Variants in SLCO1B3 observed in about 807,000 individuals in gnomAD.
SLCO1B3 encodes the protein liver-specific organic anion transporter 2.
In SLCO1B3, 72 loss-of-function variants were observed where a neutral mutation model predicts 71.8. That is an observed-to-expected ratio of 1.00 (90% CI 0.83 to 1.22). The LOEUF (loss-of-function observed/expected upper bound fraction) is 1.22, where lower values mean the gene tolerates loss of function less well. Ranked by LOEUF, SLCO1B3 falls within the 50% of genes most tolerant of loss-of-function variation. The pLI is 0.00. For missense variants in SLCO1B3, 911 were observed against 819.7 expected, an observed-to-expected ratio of 1.11 and a Z score of -1.36; for synonymous variants, 298 against 278.4, an observed-to-expected ratio of 1.07 and a Z score of -0.70.
intron 3 of SLCO1B3, among the ~76,000 whole-genome samples, chr12:20,848,752 A>C (rs1864964568): frequency 6.6e-6 from 1 of 152,198 alleles, no homozygotes; most frequent in Non-Finnish European, 1.5e-5. Context: ...ATATATTGTA[A>C]GATTTCAAAT....
intron 3 of SLCO1B3, among the ~76,000 whole-genome samples, chr12:20,825,342 G>C (rs1376747100): frequency 1.3e-5 from 2 of 152,168 alleles, no homozygotes; most frequent in African/African-American, 4.8e-5. Flanking sequence ...GGATTAGAGG[G>C]GTTCAGCAGT....
At chr12:20,895,585 C>T (rs1475790736) in intron 13 of SLCO1B3, among the ~76,000 whole-genome samples, 1 of 152,120 alleles carries the variant, frequency 6.6e-6, no homozygotes, top group Non-Finnish European at 1.5e-5. Context: ...GCAGCTCTAT[C>T]CCTGTGGCTT....
intron 14 of SLCO1B3, among the ~76,000 whole-genome samples, chr12:20,898,974 C>T (rs2120369047): frequency 6.6e-6 from 1 of 152,230 alleles, no homozygotes; most frequent in Admixed American, 6.5e-5. Context: ...CTGCCTGGTC[C>T]TCTATGGCTG....
intron 3 of SLCO1B3, among the ~76,000 whole-genome samples, chr12:20,817,772 A>C (rs1194622637): frequency 1.3e-5 from 2 of 151,254 alleles, no homozygotes; most frequent in Non-Finnish European, 2.9e-5. Context: ...TTTTATTTGT[A>C]GTAGAGATGA....
intron 12 of SLCO1B3, among the ~76,000 whole-genome samples, chr12:20,882,884 G>A (rs182068219): frequency 2.0e-5 from 3 of 152,142 alleles, no homozygotes; most frequent in Admixed American, 6.5e-5. Flanking sequence ...CTAACCATTA[G>A]CCAGCACATT....
At chr12:20,835,462 C>T (rs1467881778) in intron 3 of SLCO1B3, among the ~76,000 whole-genome samples, 2 of 152,270 alleles carry the variant, frequency 1.3e-5, no homozygotes, top group East Asian at 1.9e-4. Flanking sequence ...CACTTTGCTG[C>T]TTAGAAATAT....
chr12:20,811,827 A>C (rs936935955), intron 1 of SLCO1B3, among the ~76,000 whole-genome samples: 1 of 152,204 alleles, frequency 6.6e-6, no homozygotes, highest in Non-Finnish European at 1.5e-5. Context: ...AAATGCCACA[A>C]TGAAGTAAAA....
chr12:20,835,843 A>G (rs1316530969), intron 3 of SLCO1B3, among the ~76,000 whole-genome samples: 1 of 152,058 alleles, frequency 6.6e-6, no homozygotes, highest in Non-Finnish European at 1.5e-5. Context: ...CTGCTTCCCC[A>G]TTATCAGGTA....
chr12:20,875,020 G>A (rs1008541271), intron 8 of SLCO1B3, among the ~76,000 whole-genome samples: 1 of 152,172 alleles, frequency 6.6e-6, no homozygotes, highest in African/African-American at 2.4e-5. Flanking sequence ...ACAGTGTCAT[G>A]ACTGACTCCT....
At chr12:20,881,329 C>T (rs1865690108) in intron 12 of SLCO1B3, among the ~76,000 whole-genome samples, 1 of 152,150 alleles carries the variant, frequency 6.6e-6, no homozygotes, top group Admixed American at 6.5e-5. Context: ...AGAAGCATCT[C>T]ATTTGACTAA....
At chr12:20,847,684 T>C (rs1481729681) in intron 3 of SLCO1B3, among the ~76,000 whole-genome samples, 1 of 150,934 alleles carries the variant, frequency 6.6e-6, no homozygotes, top group Non-Finnish European at 1.5e-5. Context: ...AAAATTTCAG[T>C]CTGAGAAGCA....
intron 8 of SLCO1B3, among the ~76,000 whole-genome samples, chr12:20,873,034 A>C (rs540475984): frequency 6.6e-6 from 1 of 151,860 alleles, no homozygotes; most frequent in African/African-American, 2.4e-5. Flanking sequence ...TCCTTAGTCA[A>C]CTCTTAGGAA....
At chr12:20,814,829 A>G (rs765058492) in intron 2 of SLCO1B3, among the ~76,000 whole-genome samples, 31 of 152,050 alleles carry the variant, frequency 2.0e-4, no homozygotes, top group Admixed American at 3.3e-4. Flanking sequence ...CCTGGGAGGC[A>G]GAGCTTACAG....
chr12:20,887,283 G>A (rs1272421344), intron 13 of SLCO1B3, among the ~76,000 whole-genome samples: 2 of 151,860 alleles, frequency 1.3e-5, no homozygotes, highest in African/African-American at 4.8e-5. Context: ...TAGGTCATCA[G>A]GAAATCTCTA....
At chr12:20,849,907 A>G (rs964688582) in intron 3 of SLCO1B3, among the ~76,000 whole-genome samples, 1 of 152,052 alleles carries the variant, frequency 6.6e-6, no homozygotes, top group Non-Finnish European at 1.5e-5. Flanking sequence ...TTAAAAAATT[A>G]AAGACCCACA....
chr12:20,831,129 C>T (rs1864529802), intron 3 of SLCO1B3, among the ~76,000 whole-genome samples: 1 of 152,032 alleles, frequency 6.6e-6, no homozygotes, highest in African/African-American at 2.4e-5. Context: ...GAGGCCGAGG[C>T]TGGCAGATCA....
At chr12:20,813,715 G>C (rs1001531304) in intron 2 of SLCO1B3, 77 bp downstream of exon 2, 4 of 151,954 alleles carry the variant, frequency 2.6e-5, no homozygotes, top group African/African-American at 9.7e-5. Flanking sequence ...TATATACTAA[G>C]GTGTCTTTAA....
At chr12:20,848,394 A>G (rs1472209370) in intron 3 of SLCO1B3, among the ~76,000 whole-genome samples, 1 of 152,172 alleles carries the variant, frequency 6.6e-6, no homozygotes, top group Non-Finnish European at 1.5e-5. Flanking sequence ...AGGAATGCAA[A>G]ATGGTAGAGC....
chr12:20,828,646 T>TACACACAC (rs142800781), intron 3 of SLCO1B3, among the ~76,000 whole-genome samples: 12,992 of 149,588 alleles, frequency 0.087, 628 homozygotes, highest in Non-Finnish European at 0.12. Context: ...CACACACACA[T>TACACACAC]ACACACACAC....
Sources: allele counts gnomAD v4.1 joint callset (sites outside exome capture counted in the v4.1 genomes callset), GRCh38; gene constraint gnomAD v4.1.1; transcripts MANE v1.5; gene names NCBI Gene and HGNC (gene_info 2026-07-23, HGNC 2026-07-21).